The following KCNQ5 variants were observed in gnomAD, a reference collection of about 807,000 sequenced individuals.
The protein encoded by KCNQ5 is potassium voltage-gated channel subfamily KQT member 5.
Under a neutral mutation model 98.2 loss-of-function variants are expected in KCNQ5, and 30 were observed. The ratio of observed to expected loss-of-function variants is 0.31; its 90% confidence interval spans 0.23 to 0.41. The LOEUF (loss-of-function observed/expected upper bound fraction) is 0.41. KCNQ5 is among the 10% of genes least tolerant of loss of function. The pLI, the probability that KCNQ5 is intolerant of heterozygous loss-of-function variation, is 1.00. For synonymous variants in KCNQ5, 458 were observed against 449.4 expected, an observed-to-expected ratio of 1.02 and a Z score of -0.24; for missense variants, 835 against 1,182.5, an observed-to-expected ratio of 0.71 and a Z score of 4.31.
chr6:72,627,909 C>G (rs1004635937), intron 1 of KCNQ5, among the ~76,000 whole-genome samples: 2 of 152,196 alleles, frequency 1.3e-5, no homozygotes, highest in Non-Finnish European at 2.9e-5. Flanking sequence ...TATTTCCAAA[C>G]AGTTCCCTTC....
chr6:72,972,501 A>T (rs1403041567), intron 1 of KCNQ5, among the ~76,000 whole-genome samples: 2 of 131,906 alleles, frequency 1.5e-5, no homozygotes, highest in Non-Finnish European at 1.6e-5. Flanking sequence ...CTCACCCCCT[A>T]CCCCCCAACA....
rs140933925 is a variant in KCNQ5 at position 72,873,557 on chromosome 6, T to G, written c.399-130351T>G. ...GAAATGCTTACATGATATTTCTGCT[T>G]CCAGATATCAGATGTGATTTATTAC... is the stretch of plus-strand genomic sequence containing the variant. On this transcript the variant is annotated intron_variant, in intron 1 of 13. Transcript: ENST00000370398. 2.0e-5 allele frequency among the ~76,000 whole-genome samples: 3 copies of G among 152,196 alleles called. No individual in the cohort carries two copies. The East Asian group carries it at 5.8e-4, about 29-fold the overall frequency.
chr6:72,781,617 T>C (rs914666876), intron 1 of KCNQ5, among the ~76,000 whole-genome samples: 2 of 152,200 alleles, frequency 1.3e-5, no homozygotes, highest in Non-Finnish European at 2.9e-5. Context: ...AATCTTGTTT[T>C]ATCTTCATGT....
chr6:73,190,890 G>A (rs1394071461), intron 12 of KCNQ5, among the ~76,000 whole-genome samples, 186 bp downstream of exon 12: 1 of 152,162 alleles, frequency 6.6e-6, no homozygotes, highest in African/African-American at 2.4e-5. Flanking sequence ...GGCATTCAAA[G>A]CATCCAACTG....
intron 1 of KCNQ5, among the ~76,000 whole-genome samples, chr6:72,814,442 T>C (rs1775400273): frequency 6.6e-6 from 1 of 152,228 alleles, no homozygotes; most frequent in African/African-American, 2.4e-5. Context: ...CATAGATTCC[T>C]GTGAAGATTA....
At chr6:73,161,172 C>G (rs1313450945) in intron 10 of KCNQ5, among the ~76,000 whole-genome samples, 1 of 152,164 alleles carries the variant, frequency 6.6e-6, no homozygotes, top group Non-Finnish European at 1.5e-5. Flanking sequence ...ATGGATAGGA[C>G]TGGAGGCCAT....
At chr6:72,939,966 T>TA (rs1361412801) in intron 1 of KCNQ5, among the ~76,000 whole-genome samples, 8 of 152,166 alleles carry the variant, frequency 5.3e-5, no homozygotes, top group African/African-American at 1.9e-4. Flanking sequence ...AGGCAGCACA[T>TA]AAAAAACGTT....
intron 1 of KCNQ5, among the ~76,000 whole-genome samples, chr6:72,933,159 C>T (rs910678988): frequency 1.7e-4 from 26 of 152,068 alleles, no homozygotes; most frequent in African/African-American, 6.3e-4. Flanking sequence ...ATTAAAATCA[C>T]CTTCAGATGC....
intron 1 of KCNQ5, among the ~76,000 whole-genome samples, chr6:72,777,385 G>T (rs1339710550): frequency 2.0e-5 from 3 of 152,092 alleles, no homozygotes; most frequent in Non-Finnish European, 4.4e-5. Flanking sequence ...TAAGAAAAAT[G>T]ATTTGCGATT....
At chr6:73,107,650 G>A (rs1775058737) in intron 6 of KCNQ5, among the ~76,000 whole-genome samples, 1 of 152,130 alleles carries the variant, frequency 6.6e-6, no homozygotes, top group South Asian at 2.1e-4. Flanking sequence ...ACTATCACAG[G>A]GAGGTTAAAT....
chr6:72,871,500 T>A (rs1221736170), intron 1 of KCNQ5, among the ~76,000 whole-genome samples: 1 of 152,176 alleles, frequency 6.6e-6, no homozygotes, highest in Non-Finnish European at 1.5e-5. Flanking sequence ...TGCTTTGGAA[T>A]CAATCACTAA....
At position 73,041,922 on chromosome 6, in the gene KCNQ5, A is replaced by C. The variant is rs1473475096; in HGVS notation, c.490-14A>C. 1 of 1,613,646 alleles carries C rather than the reference A, an allele frequency of 6.2e-7. No individual in the cohort carries two copies. Among genetic ancestry groups the C allele is most frequent in the East Asian group, 2.2e-5 (1 of 44,872 alleles). On this transcript the variant is annotated splice_polypyrimidine_tract_variant and intron_variant, in intron 2 of 13. Transcript: ENST00000370398. Reference sequence around the variant, plus strand: ...ATAATGCTTCTCTCTGATATGTCTTATCTGATATTTTAGGAGTTCGTGATG... The same window carrying C: ...ATAATGCTTCTCTCTGATATGTCTTCTCTGATATTTTAGGAGTTCGTGATG...
Position 73,190,699 on chromosome 6 carries a change from A to C in KCNQ5, c.1704A>C (p.Gln568His). ...LDMLCRIKSL[Q>H]TRVDQILGKG... ...TGTTGTGTAGAATTAAAAGCCTTCAAACACGGTAAGCAATGGAAATGTCAT... is the reference window on the plus strand; with the variant it reads ...TGTTGTGTAGAATTAAAAGCCTTCACACACGGTAAGCAATGGAAATGTCAT... The change falls in exon 12 of 14, where the codon CAA becomes CAC. Residue 568 changes from glutamine (Q) to histidine (H), a missense_variant. By Grantham distance (24) the Gln-to-His change is conservative. This residue lies in a region of KCNQ5 where 416 missense variants were observed against 446.9 expected (regional missense o/e 0.93). Transcript: ENST00000370398. 1 of 1,563,026 alleles carries C rather than the reference A, an allele frequency of 6.4e-7. No homozygotes were observed. The highest frequency in any genetic ancestry group is 8.7e-7 in the Non-Finnish European group (1 of 1,152,956).
chr6:73,026,762 G>A (rs1160897858), intron 2 of KCNQ5, among the ~76,000 whole-genome samples: 1 of 152,014 alleles, frequency 6.6e-6, no homozygotes, highest in African/African-American at 2.4e-5. Flanking sequence ...CTGTGTATCA[G>A]GCACTGTTCT....
At chr6:72,926,327 G>A (rs1011193465) in intron 1 of KCNQ5, among the ~76,000 whole-genome samples, 1 of 152,126 alleles carries the variant, frequency 6.6e-6, no homozygotes, top group African/African-American at 2.4e-5. Context: ...AAAACTAGCA[G>A]GCTTACATTA....
chr6:72,795,337 G>A (rs1774271889), intron 1 of KCNQ5, among the ~76,000 whole-genome samples: 2 of 152,124 alleles, frequency 1.3e-5, no homozygotes, highest in Non-Finnish European at 2.9e-5. Flanking sequence ...TGATACCACA[G>A]GAGATGAGAT....
chr6:72,978,175 T>C (rs1014897661), intron 1 of KCNQ5, among the ~76,000 whole-genome samples: 1 of 152,238 alleles, frequency 6.6e-6, no homozygotes, highest in Non-Finnish European at 1.5e-5. Flanking sequence ...ACACATTGAA[T>C]ATATAACAGT....
At chr6:72,778,466 G>A (rs563668128) in intron 1 of KCNQ5, among the ~76,000 whole-genome samples, 2 of 151,686 alleles carry the variant, frequency 1.3e-5, no homozygotes, top group East Asian at 1.9e-4. Flanking sequence ...TTGACCCCCA[G>A]AGGAGGGGAC....
intron 1 of KCNQ5, among the ~76,000 whole-genome samples, chr6:72,920,189 G>A (rs370361468): frequency 2.6e-5 from 4 of 152,208 alleles, no homozygotes; most frequent in African/African-American, 9.6e-5. Context: ...AGCTACTCAG[G>A]AGGCTGAGGC....
Sources: allele counts gnomAD v4.1 joint callset (sites outside exome capture counted in the v4.1 genomes callset), GRCh38; gene constraint gnomAD v4.1.1; regional missense constraint gnomAD v4.1.1; transcripts MANE v1.5; gene names NCBI Gene and HGNC (gene_info 2026-07-23, HGNC 2026-07-21).